PITX1: variants seen among roughly 807,000 people sequenced by gnomAD.
PITX1 encodes paired like homeodomain 1, also known as pituitary homeobox 1.
A neutral mutation model predicts 24.1 loss-of-function variants in PITX1; 5 were observed. The ratio of observed to expected loss-of-function variants is 0.21; its 90% confidence interval spans 0.11 to 0.44. PITX1 has a LOEUF of 0.44. Among genes scored for constraint, PITX1 ranks in the 20% least tolerant of loss-of-function variants. The pLI, the probability that PITX1 is intolerant of heterozygous loss-of-function variation, is 0.99. For missense variants in PITX1, 401 were observed against 455.4 expected (o/e 0.88, Z 1.09); for synonymous variants, 213 against 208.9 (o/e 1.02, Z -0.17).
At chr5:135,031,233 AGCCCTCTGCGCGGGT>A (rs1007102989) in intron 2 of PITX1, 28 bp downstream of exon 2, 2 of 1,497,894 alleles carry the variant, frequency 1.3e-6, no homozygotes, top group East Asian at 2.3e-5. Flanking sequence ...GCGGCCCGGG[AGCCCTCTGCGCGGGT>A]GCCCTTAGGC....
At chr5:135,034,375 C>T, upstream of PITX1, 1 of 152,264 alleles carries the variant, frequency 6.6e-6, no homozygotes, top group East Asian at 2.0e-4. Context: ...CGCGCCGCCG[C>T]GCCCTCACTG....
chr5:135,029,163 C>T lies in PITX1; in HGVS notation c.561G>A (p.Lys187=), dbSNP rs1170441239. Residue 187 remains lysine (K), a synonymous_variant, in exon 3 of 3, where the codon AAG becomes AAA. Transcript: ENST00000265340. Reference sequence around the variant, plus strand: ...TGGAGAGCGGCGCTGGCGCCAGGCTCTTGGCGGCCCAGTTGTTGTAGGAGT... The same window carrying T: ...TGGAGAGCGGCGCTGGCGCCAGGCTTTTGGCGGCCCAGTTGTTGTAGGAGT... ...AGYSYNNWAA[K]SLAPAPLSTK... The T allele has an allele frequency of 6.8e-6, 11 of 1,614,120 alleles. No individual in the cohort carries two copies. The highest frequency in any genetic ancestry group is 4.0e-5 in the African/African-American group (3 of 74,946).
chr5:135,029,712 G>A (rs146473709), intron 2 of PITX1, among the ~76,000 whole-genome samples: 409 of 152,262 alleles, frequency 2.7e-3, no homozygotes, highest in Admixed American at 3.2e-3. Context: ...TTTCCTCCCT[G>A]AGACATAGGA....
chr5:135,033,867 C>T lies in PITX1; in HGVS notation c.15G>A (p.Lys5=), dbSNP rs779716521. 6 of 1,462,248 alleles carry T rather than the reference C, an allele frequency of 4.1e-6. No individual in the cohort carries two copies. The East Asian group carries it at 1.1e-4, about 28-fold the overall frequency. 90.6% of individuals were successfully genotyped at this position (1,462,248 alleles called of 1,614,324 possible). A position where few individuals can be genotyped will look rare whatever the true frequency, so the allele number is the denominator to read the frequency against. The change falls in exon 1 of 3, where the codon AAG becomes AAA. Residue 5 remains lysine (K), a synonymous_variant. Transcript: ENST00000265340. This position sits in a 1 kb window ranked among gnomAD's most constrained non-coding sequence, Gnocchi z 5.9. ...GCAGCCGCTCCAGGCTCATGCCCCC[C>T]TTGAAGGCGTCCATGGAGGTGGGGA... MDAF[K]GGMSLERLPE...
chr5:135,029,387 C>A, intron 2 of PITX1, 66 bp from the exon 3 acceptor site: 1 of 1,374,026 alleles, frequency 7.3e-7, no homozygotes, highest in South Asian at 1.4e-5. Context: ...CCCCCTTCCC[C>A]ACCGCCTGGA....
rs1226398060 is a variant in PITX1 at position 135,028,142 on chromosome 5, GC to G, written c.*636del. The G allele has an allele frequency of 6.6e-6, 1 of 152,220 alleles. No individual in the cohort carries two copies. The highest frequency in any genetic ancestry group is 6.5e-5 in the Admixed American group (1 of 15,274). 9.4% of individuals were successfully genotyped at this position (152,220 alleles called of 1,614,324 possible). The stretch of plus-strand genomic sequence containing the variant: ...GCGAGGCTCTACCAGGCGCGCCGGG[GC>G]CGTGTGCGGCTCCACTGAGTGCCCG... On this transcript the variant is annotated 3_prime_UTR_variant, in exon 3 of 3. Transcript: ENST00000265340.
Position 135,034,017 on chromosome 5 carries a change from G to T in PITX1, c.-136C>A. On this transcript the variant is annotated 5_prime_UTR_variant, in exon 1 of 3. Coordinates refer to ENST00000265340, the MANE Select transcript of PITX1 (RefSeq NM_002653.5). ...GGCTGCCGGCGCCTGCAGCGACGCC[G>T]TGCCCGCCCCATGGACCGCCCGGGG... 4.8e-6 allele frequency: 2 copies of T among 420,854 alleles called. No individual in the cohort carries two copies. The highest frequency in any genetic ancestry group is 7.2e-6 in the Non-Finnish European group (2 of 276,678). The allele number at this position is 420,854 out of a possible 1,614,324, so 26.1% of individuals were successfully genotyped here.
At chr5:135,032,141 TAAAGAA>T (rs1752465620) in intron 1 of PITX1, 1 of 152,038 alleles carries the variant, frequency 6.6e-6, no homozygotes, top group African/African-American at 2.4e-5. Context: ...CATTAATACA[TAAAGAA>T]AAAGAGTTTA....
At position 135,029,145 on chromosome 5, in the gene PITX1, C is replaced by T; in HGVS notation, c.579G>A (p.Pro193=). 6.2e-7 allele frequency: 1 copy of T among 1,614,234 alleles called. No individual in the cohort carries two copies. Among genetic ancestry groups the T allele is most frequent in the Non-Finnish European group, 8.5e-7 (1 of 1,180,042 alleles). ...NWAAKSLAPA[P]LSTKSFTFFN... ...AGAAGGTGAAGCTCTTGGTGGAGAG[C>T]GGCGCTGGCGCCAGGCTCTTGGCGG... Residue 193 remains proline (P), a synonymous_variant, in exon 3 of 3, where the codon CCG becomes CCA. Transcript: ENST00000265340.
In PITX1 at chr5:135,031,582, C is replaced by A. The variant is rs1262908053; in HGVS notation, c.170-74G>T. ...GCACCCCGTCCCGGCTCCACCGAACCGCTCGCCACCAGCGCTGGCGGTCTT... is the reference window on the plus strand; with the variant it reads ...GCACCCCGTCCCGGCTCCACCGAACAGCTCGCCACCAGCGCTGGCGGTCTT... On this transcript the variant is annotated intron_variant, in intron 1 of 2. Coordinates refer to ENST00000265340, the MANE Select transcript of PITX1 (RefSeq NM_002653.5). 9.0e-6 allele frequency: 11 copies of A among 1,226,466 alleles called. No homozygotes were observed. In the East Asian group the frequency reaches 2.0e-4, roughly 22 times the overall value. 76.0% of individuals were successfully genotyped at this position (1,226,466 alleles called of 1,614,324 possible).
In PITX1 at chr5:135,028,843, G is replaced by A. The variant is rs758279008; in HGVS notation, c.881C>T (p.Ser294Leu). 58 of 1,613,436 alleles carry A rather than the reference G, an allele frequency of 3.6e-5. No individual in the cohort carries two copies. Among genetic ancestry groups the A allele is most frequent in the African/African-American group, 2.7e-5 (2 of 74,918 alleles). Residue 294 changes from serine (S) to leucine (L), a missense_variant, in exon 3 of 3, where the codon TCG becomes TTG. Physicochemically the swap from Ser to Leu is moderately radical, Grantham distance 145. Around this residue, in one of 3 missense-constraint regions of PITX1, gnomAD observed 217 missense variants for 219.8 expected, o/e 0.99. Coordinates refer to ENST00000265340, the MANE Select transcript of PITX1 (RefSeq NM_002653.5). Reference sequence around the variant, plus strand: ...GCCCTGCAGGCCGCCGTAGCCAAACGACGAGTGCTGTTTGGACTTGAGCCG... The same window carrying A: ...GCCCTGCAGGCCGCCGTAGCCAAACAACGAGTGCTGTTTGGACTTGAGCCG... ...SLRLKSKQHS[S>L]FGYGGLQGPA...
At chr5:135,032,919 G>T (rs576148836) in intron 1 of PITX1, 51 of 435,496 alleles carry the variant, frequency 1.2e-4, no homozygotes, top group Middle Eastern at 1.0e-3. Context: ...CGGGGAGCTC[G>T]GAGCCCCTCC....
Position 135,028,987 on chromosome 5 carries a change from T to C in PITX1, c.737A>G (p.Asn246Ser), listed in dbSNP as rs1369105726. Reference sequence around the variant, plus strand: ...GTTGAGCGAGGAGCCGGTGAGGTTGTTGATGTTGTTGAGGCCCGAGTTGGG... The same window carrying C: ...GTTGAGCGAGGAGCCGGTGAGGTTGCTGATGTTGTTGAGGCCCGAGTTGGG... ...GMPNSGLNNI[N>S]NLTGSSLNSA... The change falls in exon 3 of 3, where the codon AAC (asparagine) becomes AGC (serine). Residue 246 changes from asparagine (N) to serine (S), a missense_variant. Physicochemically the swap from Asn to Ser is conservative, Grantham distance 46. This residue lies in a region of PITX1 where 217 missense variants were observed against 219.8 expected (regional missense o/e 0.99). Coordinates refer to ENST00000265340, the MANE Select transcript of PITX1 (RefSeq NM_002653.5). The C allele has an allele frequency of 1.2e-6, 2 of 1,614,038 alleles. No homozygotes were observed. The highest frequency in any genetic ancestry group is 1.7e-6 in the Non-Finnish European group (2 of 1,180,020).
At chr5:135,032,782 G>A (rs1383545630) in intron 1 of PITX1, 1 of 306,642 alleles carries the variant, frequency 3.3e-6, no homozygotes, top group African/African-American at 2.3e-5. Flanking sequence ...CGTTGATTAT[G>A]TTTTAACCAA....
Position 135,028,801 on chromosome 5 carries a change from TTGAGGCCCGAGGCCGGGCCC to T in PITX1, c.903_922del (p.Gly302ArgfsTer263). ...CGGTCAGCTGTTGTACTGGCACGCG[TTGAGGCCCGAGGCCGGGCCC>T]TGCAGGCCGCCGTAGCCAAACGACG... On this transcript the variant is annotated frameshift_variant, in exon 3 of 3. Transcript: ENST00000265340. LOFTEE classifies it high-confidence loss of function. 1 of 1,607,620 alleles carries T rather than the reference TTGAGGCCCGAGGCCGGGCCC, an allele frequency of 6.2e-7. No homozygotes were observed. Among genetic ancestry groups the T allele is most frequent in the African/African-American group, 1.3e-5 (1 of 74,902 alleles).
At position 135,028,726 on chromosome 5, in the gene PITX1, C is replaced by CAA. The variant is rs1752395144; in HGVS notation, c.*52_*53insTT. 6.8e-6 allele frequency: 9 copies of CAA among 1,317,014 alleles called. No homozygotes were observed. Among genetic ancestry groups the CAA allele is most frequent in the African/African-American group, 1.6e-5 (1 of 64,084 alleles). The allele number at this position is 1,317,014 out of a possible 1,614,324, so 81.6% of individuals were successfully genotyped here. A position where few individuals can be genotyped will look rare whatever the true frequency, so the allele number is the denominator to read the frequency against. ...GCCCCGCGTGCGTCCTCCGCGCCCG[C>CAA]GCCCGCGCCCTTCCCCGCTCCGGCC... On this transcript the variant is annotated 3_prime_UTR_variant, in exon 3 of 3. Coordinates refer to ENST00000265340, the MANE Select transcript of PITX1 (RefSeq NM_002653.5).
intron 2 of PITX1, 138 bp downstream of exon 2, chr5:135,031,138 C>G (rs1241384061): frequency 1.5e-5 from 11 of 712,802 alleles, no homozygotes; most frequent in Non-Finnish European, 2.5e-5. Flanking sequence ...AGGTGGGGAT[C>G]TCCGGTGGAG....
rs1752505071 is a variant in PITX1, at chr5:135,033,642, C to T, written c.169+71G>A. The T allele has an allele frequency of 6.7e-7, 1 of 1,487,464 alleles. No individual in the cohort carries two copies. Among genetic ancestry groups the T allele is most frequent in the Admixed American group, 1.8e-5 (1 of 56,516 alleles). The allele number at this position is 1,487,464 out of a possible 1,614,324, so 92.1% of individuals were successfully genotyped here. ...TTGGTTGCGCGGCGCGGGCGTCAGG[C>T]CCTGCTCCCAGCTCCCCGTGCTCCG... is the stretch of plus-strand genomic sequence containing the variant. On this transcript the variant is annotated intron_variant, in intron 1 of 2. Transcript: ENST00000265340. This position sits in a 1 kb window ranked among gnomAD's most constrained non-coding sequence, Gnocchi z 5.9.
In PITX1 at chr5:135,028,984, T is replaced by C. The variant is rs747410643; in HGVS notation, c.740A>G (p.Asn247Ser). Residue 247 changes from asparagine to serine, a missense_variant, in exon 3 of 3, where the codon AAC (asparagine) becomes AGC (serine). This residue lies in a region of PITX1 where 217 missense variants were observed against 219.8 expected (regional missense o/e 0.99). Coordinates refer to ENST00000265340, the MANE Select transcript of PITX1 (RefSeq NM_002653.5). ...CGAGTTGAGCGAGGAGCCGGTGAGG[T>C]TGTTGATGTTGTTGAGGCCCGAGTT... ...MPNSGLNNIN[N>S]LTGSSLNSAM... The C allele has an allele frequency of 2.2e-5, 35 of 1,613,132 alleles. No homozygotes were observed. Among genetic ancestry groups the C allele is most frequent in the Non-Finnish European group, 2.9e-5 (34 of 1,179,726 alleles).
Sources: gnomAD v4.1 joint callset for allele counts (sites outside exome capture counted in the v4.1 genomes callset) on GRCh38, gnomAD v4.1.1 for gene constraint, gnomAD v4.1.1 regional missense constraint, Gnocchi (gnomAD v3.1) non-coding constraint, MANE v1.5 for transcripts, NCBI Gene and HGNC (gene_info 2026-07-23, HGNC 2026-07-21) for gene names.